Variants in KNTC1 observed in about 807,000 individuals in gnomAD.
KNTC1 encodes the protein kinetochore associated 1.
In KNTC1, 253 loss-of-function variants were observed where a neutral mutation model predicts 314.4. The ratio of observed to expected loss-of-function variants is 0.80; its 90% CI spans 0.73 to 0.89. The LOEUF is 0.89. Ranked by LOEUF, KNTC1 falls within the 40% of genes least tolerant of loss-of-function variation. The pLI is 0.00. For missense variants in KNTC1, 2,475 were observed against 2,572.9 expected (o/e 0.96, Z 0.82); for synonymous variants, 901 against 901.4 (o/e 1.00, Z 0.01).
chr12:122,592,174 G>A (rs1048979026), intron 42 of KNTC1, among the ~76,000 whole-genome samples: 8 of 152,228 alleles, frequency 5.3e-5, no homozygotes, highest in South Asian at 2.1e-4. Flanking sequence ...CCGGGCCAGC[G>A]GCTGCGGAGG....
At chr12:122,619,187 T>G (rs1475108064) in intron 59 of KNTC1, among the ~76,000 whole-genome samples, 2 of 138,738 alleles carry the variant, frequency 1.4e-5, no homozygotes, top group African/African-American at 5.4e-5. Flanking sequence ...CCTCCTGAGT[T>G]GCTGGGATTA....
intron 32 of KNTC1, among the ~76,000 whole-genome samples, chr12:122,580,287 G>C (rs1219215913): frequency 6.6e-6 from 1 of 152,170 alleles, no homozygotes; most frequent in Non-Finnish European, 1.5e-5. Context: ...ATGATGGTGG[G>C]GAGAAGCCAT....
intron 40 of KNTC1, among the ~76,000 whole-genome samples, chr12:122,590,050 C>G (rs1482838070): frequency 1.3e-5 from 2 of 151,942 alleles, no homozygotes; most frequent in African/African-American, 4.8e-5. Flanking sequence ...TCCCAAAGTG[C>G]TGGGATTATA....
intron 53 of KNTC1, 102 bp from the exon 54 acceptor site, chr12:122,613,010 A>G (rs1291139898): frequency 4.2e-6 from 3 of 710,056 alleles, no homozygotes; most frequent in African/African-American, 3.5e-5. Flanking sequence ...TTGACTTTAC[A>G]TTTTAAAATA....
At chr12:122,549,900 T>G in intron 13 of KNTC1, 36 bp downstream of exon 13, 1 of 1,164,914 alleles carries the variant, frequency 8.6e-7, no homozygotes, top group South Asian at 1.3e-5. Context: ...TTCTTTTAAC[T>G]ACTTTTTTCT....
rs1201255357 is a variant in KNTC1, at chr12:122,610,834, C to G, written c.5556C>G (p.Leu1852=). ...EDEALRRVQY[L]LLSRPIDYSS... is the part of the protein sequence containing the mutation. ...ATTTTTTTTCCAGAGTGCAGTATCTCCTCCTGTCTCGTCCAATTGATTATA... is the reference window on the plus strand; with the variant it reads ...ATTTTTTTTCCAGAGTGCAGTATCTGCTCCTGTCTCGTCCAATTGATTATA... The change falls in exon 53 of 64, where the codon CTC becomes CTG. Residue 1852 remains leucine (L), a synonymous_variant. Transcript: ENST00000333479. The G allele has an allele frequency of 1.2e-6, 2 of 1,612,098 alleles. No homozygotes were observed. Among genetic ancestry groups the G allele is most frequent in the African/African-American group, 2.7e-5 (2 of 74,990 alleles).
At position 122,561,900 on chromosome 12, in the gene KNTC1, TTTC is replaced by T. The variant is rs1212102541; in HGVS notation, c.1489-18_1489-16del. ...AACAGTAGATATTCTTCTAACTGTA[TTTC>T]TTATTATTCTTACTTAGCTTTTGAA... is the stretch of plus-strand genomic sequence containing the variant. On this transcript the variant is annotated intron_variant, in intron 18 of 63. Coordinates refer to ENST00000333479, the MANE Select transcript of KNTC1 (RefSeq NM_014708.6). The T allele has an allele frequency of 6.5e-7, 1 of 1,541,790 alleles. No individual in the cohort carries two copies. The highest frequency in any genetic ancestry group is 1.2e-5 in the South Asian group (1 of 85,870).
At chr12:122,553,498 C>T (rs36008586) in intron 16 of KNTC1, among the ~76,000 whole-genome samples, 45,517 of 151,616 alleles carry the variant, frequency 0.3, 7,638 homozygotes, top group East Asian at 0.46. Flanking sequence ...CCACTGCACC[C>T]CAGCCTGGGC....
intron 26 of KNTC1, 107 bp downstream of exon 26, chr12:122,573,392 C>T (rs1964820802): frequency 1.0e-6 from 1 of 1,002,392 alleles, no homozygotes; most frequent in East Asian, 2.4e-5. Flanking sequence ...CAGTAGGACT[C>T]ATGCAGCATA....
intron 5 of KNTC1, among the ~76,000 whole-genome samples, chr12:122,541,660 C>G (rs1052307960): frequency 6.6e-6 from 1 of 151,456 alleles, no homozygotes; most frequent in South Asian, 2.1e-4. Context: ...CTGTCTTTCT[C>G]TCTTTCTTCA....
chr12:122,531,081 A>T (rs545639570), intron 2 of KNTC1, among the ~76,000 whole-genome samples: 4 of 150,704 alleles, frequency 2.7e-5, no homozygotes, highest in African/African-American at 9.7e-5. Context: ...ATTTTTTTTC[A>T]CTCAAATGGA....
intron 52 of KNTC1, among the ~76,000 whole-genome samples, chr12:122,609,922 A>G (rs920747010): frequency 1.3e-5 from 2 of 152,208 alleles, no homozygotes; most frequent in Non-Finnish European, 2.9e-5. Flanking sequence ...GAATGTGGCA[A>G]TCCATTAATG....
At position 122,602,515 on chromosome 12, in the gene KNTC1, A is replaced by T. The variant is rs992268360; in HGVS notation, c.4654-54A>T. 7 of 1,087,740 alleles carry T rather than the reference A, an allele frequency of 6.4e-6. No homozygotes were observed. In the African/African-American group the frequency reaches 1.1e-4, roughly 17 times the overall value. 67.4% of individuals were successfully genotyped at this position (1,087,740 alleles called of 1,614,324 possible). A position where few individuals can be genotyped will look rare whatever the true frequency, so the allele number is the denominator to read the frequency against. On this transcript the variant is annotated intron_variant, in intron 45 of 63. Transcript: ENST00000333479. ...TGGTATACTATTAGATGATTTTATG[A>T]CAGTTTAGGATTGGGTTACTCTTAC...
chr12:122,605,236 TACAC>T, intron 50 of KNTC1, 66 bp from the exon 51 acceptor site: 2 of 1,127,278 alleles, frequency 1.8e-6, no homozygotes, highest in Non-Finnish European at 2.6e-6. Context: ...TATATACACA[TACAC>T]ATATAAGTAT....
chr12:122,562,660 T>C lies in KNTC1; in HGVS notation c.1565T>C (p.Leu522Ser), dbSNP rs1176457819. The change falls in exon 20 of 64, where the codon TTG (leucine) becomes TCG (serine). Residue 522 changes from leucine to serine, a missense_variant. By Grantham distance (145) the Leu-to-Ser change is moderately radical. Coordinates refer to ENST00000333479, the MANE Select transcript of KNTC1 (RefSeq NM_014708.6). ...LKEVLRAHAK[L>S]TTFYGAFGPE... ...CAGGTGCTAAGAGCTCATGCAAAATTGACTACTTTTTATGGAGCATTTGGA... is the reference window on the plus strand; with the variant it reads ...CAGGTGCTAAGAGCTCATGCAAAATCGACTACTTTTTATGGAGCATTTGGA... 1 of 1,609,300 alleles carries C rather than the reference T, an allele frequency of 6.2e-7. No homozygotes were observed. Among genetic ancestry groups the C allele is most frequent in the South Asian group, 1.1e-5 (1 of 90,846 alleles).
At position 122,557,499 on chromosome 12, in the gene KNTC1, A is replaced by G. The variant is rs559913481; in HGVS notation, c.1388A>G (p.His463Arg). Residue 463 changes from histidine (H) to arginine (R), a missense_variant, in exon 17 of 64, where the codon CAT becomes CGT. By Grantham distance (29) the His-to-Arg change is conservative. Transcript: ENST00000333479. Reference sequence around the variant, plus strand: ...GTAGACGACGCTAAGGAAAATCTACATAAGATCCAGGTATGTTTTTCTTGT... The same window carrying G: ...GTAGACGACGCTAAGGAAAATCTACGTAAGATCCAGGTATGTTTTTCTTGT... ...QLVDDAKENL[H>R]KIQDDEFVVN... 6.8e-6 allele frequency: 11 copies of G among 1,613,784 alleles called. No individual in the cohort carries two copies. Among genetic ancestry groups the G allele is most frequent in the Admixed American group, 6.7e-5 (4 of 59,978 alleles).
intron 57 of KNTC1, 66 bp from the exon 58 acceptor site, chr12:122,618,277 T>G (rs1873987776): frequency 1.4e-6 from 2 of 1,461,894 alleles, no homozygotes; most frequent in Admixed American, 1.8e-5. Context: ...TGGCCTAGAC[T>G]GCAAATTAAA....
intron 20 of KNTC1, 116 bp from the exon 21 acceptor site, chr12:122,568,145 G>GT (rs1348166673): frequency 1.6e-6 from 1 of 620,044 alleles, no homozygotes; most frequent in African/African-American, 1.9e-5. Context: ...TTAGTTTTTT[G>GT]TTTTTACCTT....
At chr12:122,566,758 GTTT>G (rs35657504) in intron 20 of KNTC1, among the ~76,000 whole-genome samples, 2 of 92,398 alleles carry the variant, frequency 2.2e-5, no homozygotes, top group Non-Finnish European at 4.0e-5. Flanking sequence ...GTCCAGGCTG[GTTT>G]TTTTTTTTTT....
Sources: gnomAD v4.1 joint callset for allele counts (sites outside exome capture counted in the v4.1 genomes callset) on GRCh38, gnomAD v4.1.1 for gene constraint, MANE v1.5 for transcripts, NCBI Gene and HGNC (gene_info 2026-07-23, HGNC 2026-07-21) for gene names.